Variants in SDK1 observed in about 807,000 individuals in gnomAD.
The protein encoded by SDK1 is protein sidekick-1.
SDK1 carries 157 observed loss-of-function variants against 245.5 expected under a neutral mutation model. The ratio of observed to expected loss-of-function variants is 0.64; its 90% CI spans 0.56 to 0.73. The LOEUF (loss-of-function observed/expected upper bound fraction) is 0.73. SDK1 is among the 30% of genes least tolerant of loss of function. SDK1 has a pLI of 0.00. For missense variants in SDK1, 3,583 were observed against 3,002.3 expected, an observed-to-expected ratio of 1.19 and a Z score of -4.52; for synonymous variants, 1,647 against 1,278.5, an observed-to-expected ratio of 1.29 and a Z score of -6.15.
intron 4 of SDK1, among the ~76,000 whole-genome samples, chr7:3,695,956 C>T (rs553680540): frequency 2.0e-5 from 3 of 152,278 alleles, no homozygotes; most frequent in African/African-American, 2.4e-5. Context: ...GAGTTGCTGA[C>T]GCTCATTGGC....
At chr7:4,074,902 A>G (rs1780543764) in intron 20 of SDK1, among the ~76,000 whole-genome samples, 1 of 62,494 alleles carries the variant, frequency 1.6e-5, no homozygotes, top group Non-Finnish European at 2.9e-5. Flanking sequence ...ATATATATAT[A>G]TATATATATA....
chr7:3,838,066 G>A (rs774797651), intron 5 of SDK1, among the ~76,000 whole-genome samples: 2 of 152,202 alleles, frequency 1.3e-5, no homozygotes, highest in African/African-American at 4.8e-5. Flanking sequence ...AGCCCTGTGT[G>A]CTGGGAGACA....
chr7:4,257,003 G>C (rs1357851776), intron 44 of SDK1, among the ~76,000 whole-genome samples: 1 of 152,164 alleles, frequency 6.6e-6, no homozygotes, highest in Non-Finnish European at 1.5e-5. Context: ...CGCATGCTGT[G>C]GCTATTTCTG....
rs540153857 is a variant in SDK1, at chr7:3,503,947, T to A, written c.299-115133T>A. On this transcript the variant is annotated intron_variant, in intron 1 of 44. Transcript: ENST00000404826. ...TGGGCGGATCACGAGGTCAGGAGTT[T>A]GAGACCAACTTGACCAACATGGTGA... 2.0e-5 allele frequency among the ~76,000 whole-genome samples: 3 copies of A among 151,954 alleles called. No homozygotes were observed. The South Asian group carries it at 6.3e-4, about 32-fold the overall frequency.
At chr7:3,593,921 T>C (rs550835550) in intron 1 of SDK1, among the ~76,000 whole-genome samples, 2 of 152,204 alleles carry the variant, frequency 1.3e-5, no homozygotes, top group Non-Finnish European at 2.9e-5. Context: ...AAACTGTTGT[T>C]TCCTAAATAT....
At chr7:4,031,151 TTAAG>T (rs1255064665) in intron 17 of SDK1, among the ~76,000 whole-genome samples, 4 of 152,096 alleles carry the variant, frequency 2.6e-5, no homozygotes, top group Non-Finnish European at 2.9e-5. Context: ...ATACACATAT[TTAAG>T]TATACATAGA....
At chr7:3,912,685 T>C in intron 5 of SDK1, among the ~76,000 whole-genome samples, 1 of 152,212 alleles carries the variant, frequency 6.6e-6, no homozygotes. Context: ...CGGATGGCTT[T>C]TCATGCATTT....
chr7:4,011,048 C>A lies in SDK1; in HGVS notation c.2214C>A (p.Thr738=), dbSNP rs758251101. ...TGAGTGGCCTGACTCCGGCTCGTAC[C>A]TATCAATTCCGGGTGTGCGCGGTGA... ...VTVSGLTPAR[T]YQFRVCAVNE... Residue 738 remains threonine (T), a synonymous_variant, in exon 15 of 45, where the codon ACC becomes ACA. Coordinates refer to ENST00000404826, the MANE Select transcript of SDK1 (RefSeq NM_152744.4). The A allele has an allele frequency of 6.2e-7, 1 of 1,614,186 alleles. No homozygotes were observed. The highest frequency in any genetic ancestry group is 8.5e-7 in the Non-Finnish European group (1 of 1,180,038).
chr7:3,545,350 C>T (rs1583148977), intron 1 of SDK1, among the ~76,000 whole-genome samples: 1 of 152,166 alleles, frequency 6.6e-6, no homozygotes, highest in East Asian at 1.9e-4. Context: ...GAGTTAATGG[C>T]TAAAGTGAGG....
chr7:4,071,225 A>C (rs1233461387), intron 20 of SDK1, among the ~76,000 whole-genome samples: 1 of 151,558 alleles, frequency 6.6e-6, no homozygotes, highest in Non-Finnish European at 1.5e-5. Context: ...GGGTTTTACC[A>C]TATTGGTAAG....
At chr7:3,514,730 C>G (rs137969960) in intron 1 of SDK1, among the ~76,000 whole-genome samples, 17 of 152,282 alleles carry the variant, frequency 1.1e-4, no homozygotes, top group Non-Finnish European at 2.4e-4. Context: ...GACCCCGTCT[C>G]CTTGACCAGA....
chr7:3,673,541 C>G (rs980721632), intron 4 of SDK1, among the ~76,000 whole-genome samples: 3 of 152,210 alleles, frequency 2.0e-5, no homozygotes, highest in Admixed American at 2.0e-4. Context: ...GCCCCGCCGG[C>G]CTGTTATTAC....
chr7:3,438,387 T>C (rs1206760002), intron 1 of SDK1, among the ~76,000 whole-genome samples: 2 of 152,234 alleles, frequency 1.3e-5, no homozygotes, highest in Non-Finnish European at 2.9e-5. Flanking sequence ...ATTTCTTCTT[T>C]ACAATGATGT....
chr7:4,096,200 A>AGATC lies in SDK1; in HGVS notation c.3325-14462_3325-14459dup, dbSNP rs1228465258. On this transcript the variant is annotated intron_variant, in intron 22 of 44. Transcript: ENST00000404826. Reference sequence around the variant, plus strand: ...CAGAGTCTCCTGGAATAAGACACTCAGATCCCCTCACTCTACCTTTACTGC... The same window carrying AGATC: ...CAGAGTCTCCTGGAATAAGACACTCAGATCGATCCCCTCACTCTACCTTTACTGC... 2.0e-5 allele frequency among the ~76,000 whole-genome samples: 3 copies of AGATC among 152,368 alleles called. No homozygotes were observed. In the East Asian group the frequency reaches 5.8e-4, roughly 29 times the overall value.
At chr7:3,418,576 G>A (rs554394108) in intron 1 of SDK1, among the ~76,000 whole-genome samples, 1 of 152,084 alleles carries the variant, frequency 6.6e-6, no homozygotes, top group African/African-American at 2.4e-5. Flanking sequence ...TTGAAACATA[G>A]CCTTAAATGA....
At chr7:3,763,757 G>C (rs1780171940) in intron 4 of SDK1, among the ~76,000 whole-genome samples, 1 of 152,016 alleles carries the variant, frequency 6.6e-6, no homozygotes, top group Admixed American at 6.6e-5. Context: ...TCTCTATCTA[G>C]GTGGTGTTTT....
intron 42 of SDK1, among the ~76,000 whole-genome samples, chr7:4,238,770 A>G (rs1786343940): frequency 6.6e-6 from 1 of 151,698 alleles, no homozygotes. Context: ...CTGGTCTCGA[A>G]CACCTCACCT....
chr7:3,393,534 A>G (rs1328848215), intron 1 of SDK1, among the ~76,000 whole-genome samples: 5 of 152,204 alleles, frequency 3.3e-5, no homozygotes, highest in African/African-American at 7.2e-5. Context: ...AAAACAACTC[A>G]AGGGAATATC....
chr7:4,257,824 T>G (rs1346010192), intron 44 of SDK1, among the ~76,000 whole-genome samples: 1 of 152,204 alleles, frequency 6.6e-6, no homozygotes, highest in Non-Finnish European at 1.5e-5. Context: ...CACTCTTCCC[T>G]TCCAGCTGCA....
Sources: gnomAD v4.1 joint callset for allele counts (sites outside exome capture counted in the v4.1 genomes callset) on GRCh38, gnomAD v4.1.1 for gene constraint, MANE v1.5 for transcripts, NCBI Gene and HGNC (gene_info 2026-07-23, HGNC 2026-07-21) for gene names.